Variants in PDE7A observed in about 807,000 individuals in gnomAD.
PDE7A encodes the protein phosphodiesterase 7A.
In PDE7A, 39 loss-of-function variants were observed where a neutral mutation model predicts 64.3. The observed-to-expected ratio is 0.61, with a 90% CI of 0.47 to 0.79. The LOEUF (loss-of-function observed/expected upper bound fraction) is 0.79, where lower values mean the gene tolerates loss of function less well. Ranked by LOEUF, PDE7A falls within the 30% of genes least tolerant of loss-of-function variation. The probability of loss-of-function intolerance (pLI) is 0.00; values close to 1 mark genes in which losing one functional copy is unlikely to be tolerated. For missense variants in PDE7A, 470 were observed against 582.8 expected (o/e 0.81, Z 1.99); for synonymous variants, 203 against 206.8 (o/e 0.98, Z 0.16).
At chr8:65,818,331 A>G (rs886267934) in intron 1 of PDE7A, among the ~76,000 whole-genome samples, 2 of 152,124 alleles carry the variant, frequency 1.3e-5, no homozygotes, top group Non-Finnish European at 2.9e-5. Context: ...TGTTTTCCCC[A>G]TTAAAGGTAG....
chr8:65,739,682 T>C (rs1459788958), intron 5 of PDE7A, 85 bp from the exon 6 acceptor site: 3 of 1,249,204 alleles, frequency 2.4e-6, no homozygotes, highest in South Asian at 5.3e-5. Context: ...ATTTTGAATA[T>C]AAAACATGGA....
At chr8:65,794,271 A>G (rs184455560) in intron 1 of PDE7A, among the ~76,000 whole-genome samples, 165 of 152,282 alleles carry the variant, frequency 1.1e-3, no homozygotes, top group Non-Finnish European at 2.0e-3. Flanking sequence ...TAAGAAAGCT[A>G]CTGTTATCAA....
intron 1 of PDE7A, 35 bp downstream of exon 1, chr8:65,841,336 A>C: frequency 6.7e-7 from 1 of 1,483,840 alleles, no homozygotes; most frequent in Non-Finnish European, 9.0e-7. Flanking sequence ...CAAAAGAGAG[A>C]AGCCCTCAAG....
chr8:65,724,374 T>C (rs1290079051), intron 10 of PDE7A, 23 bp from the exon 11 acceptor site: 2 of 1,521,940 alleles, frequency 1.3e-6, no homozygotes, highest in East Asian at 4.5e-5. Flanking sequence ...ACATTAATAT[T>C]GTTTTAAGAT....
intron 6 of PDE7A, among the ~76,000 whole-genome samples, chr8:65,736,322 C>T (rs1404302430): frequency 6.6e-6 from 1 of 152,188 alleles, no homozygotes; most frequent in Non-Finnish European, 1.5e-5. Flanking sequence ...GAATTGTTTA[C>T]TTCTGGAATT....
chr8:65,715,534 C>T lies in PDE7A; in HGVS notation c.*3756G>A, dbSNP rs1026997945. On this transcript the variant is annotated 3_prime_UTR_variant, in exon 13 of 13. Coordinates refer to ENST00000401827, the MANE Select transcript of PDE7A (RefSeq NM_001242318.3). ...CTGGGATTACAGGAATGCGCCACCA[C>T]GCCCAGCTAATTTTTGCATTTTTAG... Among the ~76,000 whole-genome samples, 2 of 151,658 alleles carry T rather than the reference C, an allele frequency of 1.3e-5. No homozygotes were observed. Among genetic ancestry groups the T allele is most frequent in the East Asian group, 2.0e-4 (1 of 5,046 alleles).
At chr8:65,754,229 G>A (rs1455330298) in intron 3 of PDE7A, among the ~76,000 whole-genome samples, 1 of 152,024 alleles carries the variant, frequency 6.6e-6, no homozygotes, top group Non-Finnish European at 1.5e-5. Flanking sequence ...CACGCTGGCA[G>A]CTGATTAGAT....
chr8:65,745,358 G>T, intron 5 of PDE7A, 49 bp downstream of exon 5: 3 of 1,032,164 alleles, frequency 2.9e-6, no homozygotes, highest in Non-Finnish European at 4.6e-6. Context: ...CACCATCAAT[G>T]CAGTAATCTA....
intron 3 of PDE7A, among the ~76,000 whole-genome samples, chr8:65,758,812 A>G (rs927765025): frequency 6.6e-6 from 1 of 152,132 alleles, no homozygotes; most frequent in African/African-American, 2.4e-5. Flanking sequence ...TGCATCTTCC[A>G]CAAGTAAGCA....
intron 7 of PDE7A, among the ~76,000 whole-genome samples, chr8:65,730,589 C>T (rs1408385852): frequency 6.6e-6 from 1 of 152,086 alleles, no homozygotes; most frequent in Non-Finnish European, 1.5e-5. Context: ...TGAAACTGGT[C>T]CCTGATGCCA....
chr8:65,801,026 G>A (rs188184355), intron 1 of PDE7A, among the ~76,000 whole-genome samples: 233 of 152,178 alleles, frequency 1.5e-3, no homozygotes, highest in African/African-American at 2.4e-3. Context: ...AGATAGAGTC[G>A]TGCACCCCTT....
chr8:65,835,576 A>C (rs947474533), intron 1 of PDE7A, among the ~76,000 whole-genome samples: 1 of 152,168 alleles, frequency 6.6e-6, no homozygotes, highest in Non-Finnish European at 1.5e-5. Context: ...AATTCTCTAT[A>C]ACTGCTCTGG....
At chr8:65,784,145 G>A (rs562897226) in intron 1 of PDE7A, among the ~76,000 whole-genome samples, 1 of 152,264 alleles carries the variant, frequency 6.6e-6, no homozygotes, top group South Asian at 2.1e-4. Flanking sequence ...GGAGTTGGAG[G>A]CTGCAGTGAG....
chr8:65,781,991 A>C (rs544276395), intron 2 of PDE7A, among the ~76,000 whole-genome samples: 1 of 152,288 alleles, frequency 6.6e-6, no homozygotes, highest in African/African-American at 2.4e-5. Context: ...GTTACAATAG[A>C]ACTCTGGGGA....
intron 1 of PDE7A, among the ~76,000 whole-genome samples, chr8:65,796,763 T>G (rs528118118): frequency 3.9e-5 from 6 of 152,214 alleles, no homozygotes; most frequent in African/African-American, 1.4e-4. Flanking sequence ...GACTAAATAT[T>G]TTTGCCCTAA....
At chr8:65,822,324 T>C (rs767801486) in intron 1 of PDE7A, among the ~76,000 whole-genome samples, 1 of 152,308 alleles carries the variant, frequency 6.6e-6, no homozygotes, top group Non-Finnish European at 1.5e-5. Context: ...AGTAGCCACC[T>C]TGAGATGGCA....
chr8:65,831,407 A>G (rs1266941522), intron 1 of PDE7A, among the ~76,000 whole-genome samples: 1 of 152,142 alleles, frequency 6.6e-6, no homozygotes, highest in African/African-American at 2.4e-5. Flanking sequence ...TTTCCAAACT[A>G]AAACAGTAGG....
At chr8:65,764,032 T>C (rs1187980120) in intron 3 of PDE7A, among the ~76,000 whole-genome samples, 3 of 152,212 alleles carry the variant, frequency 2.0e-5, no homozygotes, top group South Asian at 2.1e-4. Context: ...ACCTGGAAAC[T>C]AGGTGAAAGT....
intron 3 of PDE7A, among the ~76,000 whole-genome samples, chr8:65,778,198 GC>G (rs1181536724): frequency 6.6e-6 from 1 of 152,168 alleles, no homozygotes; most frequent in Non-Finnish European, 1.5e-5. Flanking sequence ...GCGATGTTAT[GC>G]CAGGGTCTGG....
Sources: allele counts gnomAD v4.1 joint callset (sites outside exome capture counted in the v4.1 genomes callset), GRCh38; gene constraint gnomAD v4.1.1; transcripts MANE v1.5; gene names NCBI Gene and HGNC (gene_info 2026-07-23, HGNC 2026-07-21).